ANO2: variants seen among roughly 807,000 people sequenced by gnomAD.
The protein encoded by ANO2 is anoctamin-2.
A neutral mutation model predicts 124.2 loss-of-function variants in ANO2; 101 were observed. The ratio of observed to expected loss-of-function variants is 0.81; its 90% CI spans 0.69 to 0.96. ANO2 has a LOEUF of 0.96. Among genes scored for constraint, ANO2 ranks in the 40% least tolerant of loss-of-function variants. The probability of loss-of-function intolerance (pLI) is 0.00; values close to 1 mark genes in which losing one functional copy is unlikely to be tolerated. For missense variants in ANO2, 1,293 were observed against 1,274.5 expected, an observed-to-expected ratio of 1.01 and a Z score of -0.22; for synonymous variants, 486 against 482.5, an observed-to-expected ratio of 1.01 and a Z score of -0.09.
Position 5,938,786 on chromosome 12 carries a change from T to C in ANO2, c.22+6410A>G, listed in dbSNP as rs188048424. 8.5e-4 allele frequency among the ~76,000 whole-genome samples: 126 copies of C among 148,296 alleles called. 1 individual carries two copies. Among genetic ancestry groups the C allele is most frequent in the Middle Eastern group, 3.8e-3 (1 of 264 alleles). On this transcript the variant is annotated intron_variant, in intron 1 of 24. Transcript: ENST00000682330. ...GTTGCAGTGAGCCAAGATTGCACCA[T>C]TGCACTTCAGCCTGGGCGACAAGAG...
chr12:5,667,622 A>G (rs1947793680), intron 14 of ANO2, among the ~76,000 whole-genome samples: 1 of 152,082 alleles, frequency 6.6e-6, no homozygotes. Context: ...GTGCCATGGT[A>G]TTTTGCTGCA....
intron 3 of ANO2, among the ~76,000 whole-genome samples, chr12:5,882,353 A>C (rs2137299116): frequency 6.6e-6 from 1 of 152,388 alleles, no homozygotes; most frequent in Middle Eastern, 3.4e-3. Flanking sequence ...GTTATTTTCC[A>C]GAATGAGACT....
rs148263392 is a variant in ANO2 at position 5,632,373 on chromosome 12, G to A, written c.1816+2779C>T. 2.4e-4 allele frequency among the ~76,000 whole-genome samples: 37 copies of A among 151,974 alleles called. No homozygotes were observed. The East Asian group carries it at 5.0e-3, about 21-fold the overall frequency. ...GAGTCTGAACCTTAGTAAAGTGAGC[G>A]TATAACACTGCCCTTGCTGGCCATG... On this transcript the variant is annotated intron_variant, in intron 16 of 24. Transcript: ENST00000682330.
chr12:5,806,145 G>A (rs547747821), intron 8 of ANO2, 52 bp from the exon 9 acceptor site: 3 of 1,550,276 alleles, frequency 1.9e-6, no homozygotes, highest in Non-Finnish European at 2.6e-6. Context: ...CCAGAAGCAG[G>A]TGCCAAAGGA....
In ANO2 at chr12:5,743,434, G is replaced by T. The variant is rs17788545; in HGVS notation, c.1351+723C>A. Among the ~76,000 whole-genome samples the T allele has an allele frequency of 2.8e-4, 43 of 152,012 alleles. No homozygotes were observed. The East Asian group carries it at 7.6e-3, about 27-fold the overall frequency. On this transcript the variant is annotated intron_variant, in intron 12 of 24. Transcript: ENST00000682330. Reference sequence around the variant, plus strand: ...TCTTAGAAATGCTCAGTTACCATGGGGTGGTTATCCCGCGTTATTCCAGTT... The same window carrying T: ...TCTTAGAAATGCTCAGTTACCATGGTGTGGTTATCCCGCGTTATTCCAGTT...
intron 14 of ANO2, among the ~76,000 whole-genome samples, chr12:5,697,258 C>T (rs1949219144): frequency 6.6e-6 from 1 of 151,982 alleles, no homozygotes; most frequent in African/African-American, 2.4e-5. Context: ...ATGGTGAAAC[C>T]TGTCTCTACT....
At chr12:5,919,270 C>T (rs59179887) in intron 3 of ANO2, among the ~76,000 whole-genome samples, 22,290 of 150,708 alleles carry the variant, frequency 0.15, 1,921 homozygotes, top group South Asian at 0.2. Flanking sequence ...ATGTGATGCA[C>T]AGGTCTGAGG....
chr12:5,793,837 G>A (rs1486026080), intron 10 of ANO2, among the ~76,000 whole-genome samples: 1 of 152,194 alleles, frequency 6.6e-6, no homozygotes, highest in Non-Finnish European at 1.5e-5. Context: ...TGGTAGCATT[G>A]TACTCCAACT....
intron 3 of ANO2, among the ~76,000 whole-genome samples, chr12:5,865,938 C>T (rs10774382): frequency 0.27 from 41,728 of 152,122 alleles, 6,871 homozygotes; most frequent in Middle Eastern, 0.4. Context: ...CGACAATGAA[C>T]GATCATTTGT....
intron 14 of ANO2, among the ~76,000 whole-genome samples, chr12:5,732,301 T>G (rs977602017): frequency 6.6e-6 from 1 of 152,090 alleles, no homozygotes; most frequent in African/African-American, 2.4e-5. Flanking sequence ...TTTGACCAGA[T>G]AGCACCGCTA....
chr12:5,812,469 A>C lies in ANO2; in HGVS notation c.893-5101T>G, dbSNP rs1452047414. Among the ~76,000 whole-genome samples the C allele has an allele frequency of 3.1e-5, 3 of 96,350 alleles. No individual in the cohort carries two copies. In the Admixed American group the frequency reaches 4.3e-4, roughly 14 times the overall value. 63.2% of individuals were successfully genotyped at this position (96,350 alleles called of 152,430 possible). A position where few individuals can be genotyped will look rare whatever the true frequency, so the allele number is the denominator to read the frequency against. ...AAGGAAGAAAGGAAGAAAGGAAGGAAGGGGGAGGAAGGAAGGAAGGAAGGA... is the reference window on the plus strand; with the variant it reads ...AAGGAAGAAAGGAAGAAAGGAAGGACGGGGGAGGAAGGAAGGAAGGAAGGA... On this transcript the variant is annotated intron_variant, in intron 7 of 24. Coordinates refer to ENST00000682330, the MANE Select transcript of ANO2 (RefSeq NM_001364791.2).
intron 13 of ANO2, among the ~76,000 whole-genome samples, chr12:5,733,429 A>C (rs977933615): frequency 6.6e-6 from 1 of 152,210 alleles, no homozygotes; most frequent in Admixed American, 6.5e-5. Context: ...CCTCATTGGC[A>C]GGTCTTCCTT....
chr12:5,802,087 G>A (rs2137166715), intron 9 of ANO2, among the ~76,000 whole-genome samples: 1 of 152,292 alleles, frequency 6.6e-6, no homozygotes, highest in South Asian at 2.1e-4. Flanking sequence ...ACCTGAGCTT[G>A]AGAACACCTA....
At chr12:5,586,055 A>G (rs571015557) in intron 20 of ANO2, among the ~76,000 whole-genome samples, 5 of 152,322 alleles carry the variant, frequency 3.3e-5, no homozygotes, top group African/African-American at 1.2e-4. Flanking sequence ...GCAGCAGTAC[A>G]GTTCTTCATC....
chr12:5,732,841 C>T lies in ANO2; in HGVS notation c.1435-211G>A, dbSNP rs530597259. 7.7e-5 allele frequency: 124 copies of T among 1,613,888 alleles called. 1 individual carries two copies. Among genetic ancestry groups the T allele is most frequent in the Admixed American group, 2.0e-4 (12 of 60,024 alleles). On this transcript the variant is annotated intron_variant, in intron 13 of 24. Transcript: ENST00000682330. ...AGGAAGAGACAAGGGACACACAACA[C>T]TCGTTATCACACTGAAAACCAAACC... is the stretch of plus-strand genomic sequence containing the variant.
At chr12:5,584,337 A>G (rs930119061) in intron 20 of ANO2, among the ~76,000 whole-genome samples, 2 of 152,150 alleles carry the variant, frequency 1.3e-5, no homozygotes, top group African/African-American at 4.8e-5. Flanking sequence ...TTGGAGCAAG[A>G]GCTTGTGAGA....
At chr12:5,609,696 C>T (rs867641990) in intron 19 of ANO2, among the ~76,000 whole-genome samples, 3 of 151,220 alleles carry the variant, frequency 2.0e-5, no homozygotes, top group Middle Eastern at 6.8e-3. Context: ...CACAATCTTT[C>T]GATAGATTTA....
chr12:5,850,764 C>T (rs999795741), intron 4 of ANO2, among the ~76,000 whole-genome samples: 4 of 152,152 alleles, frequency 2.6e-5, no homozygotes, highest in African/African-American at 9.7e-5. Context: ...TCTCCAAGGA[C>T]TTTCTTACAG....
chr12:5,710,883 C>T (rs777601088), intron 14 of ANO2, among the ~76,000 whole-genome samples: 2 of 152,112 alleles, frequency 1.3e-5, no homozygotes, highest in East Asian at 1.9e-4. Context: ...ATCCCTGGGC[C>T]GGGCGCGGTG....
Sources: allele counts gnomAD v4.1 joint callset (sites outside exome capture counted in the v4.1 genomes callset), GRCh38; gene constraint gnomAD v4.1.1; transcripts MANE v1.5; gene names NCBI Gene and HGNC (gene_info 2026-07-23, HGNC 2026-07-21).